COLQ: variants seen among roughly 807,000 people sequenced by gnomAD.
The protein encoded by COLQ is acetylcholinesterase collagenic tail peptide.
In COLQ, 48 loss-of-function variants were observed where a neutral mutation model predicts 69.0. The observed-to-expected ratio is 0.70, with a 90% CI of 0.55 to 0.88. COLQ has a LOEUF of 0.88. COLQ is among the 40% of genes least tolerant of loss of function. The pLI is 0.00. For synonymous variants in COLQ, 217 were observed against 211.2 expected (o/e 1.03, Z -0.24); for missense variants, 618 against 594.6 (o/e 1.04, Z -0.41).
chr3:15,454,596 ACAGT>A (rs200416129), intron 15 of COLQ, among the ~76,000 whole-genome samples: 1,846 of 150,456 alleles, frequency 0.012, 38 homozygotes, highest in African/African-American at 0.043. Flanking sequence ...CCACACTGAG[ACAGT>A]CAGCAGCATC....
In COLQ at chr3:15,475,419, A is replaced by G. The variant is rs753564403; in HGVS notation, c.528+6T>C. ...CTGGGAACGTCCATTTGGACCCCAC[A>G]CTGACCTTGGAGCCCATTGGTCCTC... On this transcript the variant is annotated splice_donor_region_variant and intron_variant, in intron 7 of 16. Coordinates refer to ENST00000383788, the MANE Select transcript of COLQ (RefSeq NM_005677.4). The G allele has an allele frequency of 3.1e-6, 5 of 1,592,754 alleles. No homozygotes were observed. In the Admixed American group the frequency reaches 8.7e-5, roughly 28 times the overall value.
Position 15,489,522 on chromosome 3 carries a change from C to T in COLQ, c.219+3G>A. On this transcript the variant is annotated splice_donor_region_variant and intron_variant, in intron 2 of 16. Transcript: ENST00000383788. ...TTCCTCTCATAAATCCCAAAGTACTCACCGGACTTCGGCCACCTCTGAAGA... is the reference window on the plus strand; with the variant it reads ...TTCCTCTCATAAATCCCAAAGTACTTACCGGACTTCGGCCACCTCTGAAGA... The T allele has an allele frequency of 3.1e-6, 5 of 1,614,048 alleles. No individual in the cohort carries two copies. The highest frequency in any genetic ancestry group is 4.2e-6 in the Non-Finnish European group (5 of 1,179,912).
chr3:15,461,014 C>T (rs1575465251), intron 12 of COLQ, among the ~76,000 whole-genome samples: 1 of 152,266 alleles, frequency 6.6e-6, no homozygotes, highest in Non-Finnish European at 1.5e-5. Context: ...TCATGTTTTA[C>T]TTAACACTAT....
chr3:15,466,360 G>C lies in COLQ; in HGVS notation c.795C>G (p.Pro265=). The change falls in exon 12 of 17, where the codon CCC becomes CCG. Residue 265 remains proline (P), a synonymous_variant. Transcript: ENST00000383788. The part of the protein sequence containing the change: ...GPSGQPGRPG[P]PGPPPAGQLI... Reference sequence around the variant, plus strand: ...TCTTACCTGCAGGTGGGGGGCCTGGGGGCCCCGGACGGCCAGGTTGACCAG... The same window carrying C: ...TCTTACCTGCAGGTGGGGGGCCTGGCGGCCCCGGACGGCCAGGTTGACCAG... 6.2e-7 allele frequency: 1 copy of C among 1,613,710 alleles called. No homozygotes were observed. Among genetic ancestry groups the C allele is most frequent in the Non-Finnish European group, 8.5e-7 (1 of 1,179,706 alleles).
rs1470170777 is a variant in COLQ, at chr3:15,451,626, A to G, written c.*18T>C. The G allele has an allele frequency of 6.2e-7, 1 of 1,613,588 alleles. No individual in the cohort carries two copies. The highest frequency in any genetic ancestry group is 8.5e-7 in the Non-Finnish European group (1 of 1,179,446). ...CTGCCAGTTCTGTGGGGCGCAGCCC[A>G]CCTTCTCCTCACGGCCCTCAGGTGA... On this transcript the variant is annotated 3_prime_UTR_variant, in exon 17 of 17. Transcript: ENST00000383788.
rs1284012724 is a variant in COLQ at position 15,450,347 on chromosome 3, G to GC, written c.*1296dup. On this transcript the variant is annotated 3_prime_UTR_variant, in exon 17 of 17. Coordinates refer to ENST00000383788, the MANE Select transcript of COLQ (RefSeq NM_005677.4). Reference sequence around the variant, plus strand: ...CAGACACCAGGTGATGGTCCACCAGGCCCCAAGCTCCAGCCTGCTGAGTCC... The same window carrying GC: ...CAGACACCAGGTGATGGTCCACCAGGCCCCCAAGCTCCAGCCTGCTGAGTCC... The GC allele has an allele frequency of 1.3e-5, 2 of 153,634 alleles. No individual in the cohort carries two copies. The highest frequency in any genetic ancestry group is 2.9e-5 in the Non-Finnish European group (2 of 68,048). The allele number at this position is 153,634 out of a possible 1,614,324, so 9.5% of individuals were successfully genotyped here.
At chr3:15,521,227 T>C (rs2063132584) in intron 1 of COLQ, among the ~76,000 whole-genome samples, 1 of 152,196 alleles carries the variant, frequency 6.6e-6, no homozygotes, top group African/African-American at 2.4e-5. Flanking sequence ...CTCTCCCAAA[T>C]TCCTGACCAA....
In COLQ at chr3:15,513,826, C is replaced by A. The variant is rs542547368; in HGVS notation, c.106+7694G>T. ...TGGCGGCTCCCACAGATATCCAGAT[C>A]CTGATCCCTGGAACCTGTAAATGTT... On this transcript the variant is annotated intron_variant, in intron 1 of 16. Transcript: ENST00000383788. Among the ~76,000 whole-genome samples the A allele has an allele frequency of 6.5e-4, 99 of 152,234 alleles. 1 individual carries two copies. The highest frequency in any genetic ancestry group is 9.6e-4 in the Non-Finnish European group (65 of 68,010).
intron 1 of COLQ, among the ~76,000 whole-genome samples, chr3:15,508,497 T>G (rs529691908): frequency 2.8e-4 from 43 of 152,228 alleles, no homozygotes; most frequent in Non-Finnish European, 5.4e-4. Flanking sequence ...TAGCCAAGCA[T>G]ATTGTAGGCG....
Position 15,455,947 on chromosome 3 carries a change from C to A in COLQ, c.1147G>T (p.Gly383Trp), listed in dbSNP as rs762306354. 6.2e-7 allele frequency: 1 copy of A among 1,614,178 alleles called. No homozygotes were observed. Reference sequence around the variant, plus strand: ...CTGTTACCGTCGTCACACTCCTCCCCAGGCTGCAGGAGCCCATCCCCACAG... The same window carrying A: ...CTGTTACCGTCGTCACACTCCTCCCAAGGCTGCAGGAGCCCATCCCCACAG... ...GTCGDGLLQP[G>W]EECDDGNSDV... Residue 383 changes from glycine (G) to tryptophan (W), a missense_variant, in exon 15 of 17, where the codon GGG becomes TGG. Physicochemically the swap from Gly to Trp is radical, Grantham distance 184. Coordinates refer to ENST00000383788, the MANE Select transcript of COLQ (RefSeq NM_005677.4).
intron 16 of COLQ, among the ~76,000 whole-genome samples, chr3:15,452,684 C>T (rs1423612240): frequency 6.6e-6 from 1 of 152,166 alleles, no homozygotes. Flanking sequence ...CAGGGGTCTT[C>T]CTTCCTTCAG....
intron 1 of COLQ, among the ~76,000 whole-genome samples, chr3:15,509,799 T>C (rs534743674): frequency 8.2e-4 from 125 of 152,358 alleles, no homozygotes; most frequent in African/African-American, 2.9e-3. Context: ...CCATAGCCTG[T>C]GCACTGGGAT....
intron 10 of COLQ, 159 bp from the exon 11 acceptor site, chr3:15,470,775 C>A: frequency 1.4e-6 from 1 of 728,974 alleles, no homozygotes; most frequent in Non-Finnish European, 2.5e-6. Context: ...GTGAGGAAGT[C>A]ATGAGAAAGG....
Position 15,456,502 on chromosome 3 carries a change from T to C in COLQ, c.1032A>G (p.Arg344=), listed in dbSNP as rs2062026999. The C allele has an allele frequency of 6.2e-7, 1 of 1,613,976 alleles. No individual in the cohort carries two copies. Among genetic ancestry groups the C allele is most frequent in the African/African-American group, 1.3e-5 (1 of 74,890 alleles). The change falls in exon 14 of 17, where the codon AGA becomes AGG. Residue 344 remains arginine, a synonymous_variant. Transcript: ENST00000383788. ...QNAIAFRRDQ[R]SLYFKDSLGW... is the part of the protein sequence containing the mutation. ...CAAGGCTGTCCTTGAAGTACAGAGA[T>C]CTCTGGTCTCTGCGGAAGGCAATGG... is the stretch of plus-strand genomic sequence containing the variant.
intron 1 of COLQ, among the ~76,000 whole-genome samples, chr3:15,490,335 A>T (rs1047755449): frequency 2.0e-5 from 3 of 152,238 alleles, no homozygotes; most frequent in African/African-American, 7.2e-5. Context: ...AATAAGTTAC[A>T]GTTCAACAGA....
chr3:15,458,091 G>A (rs753534841), intron 13 of COLQ, 95 bp downstream of exon 13: 50 of 1,426,626 alleles, frequency 3.5e-5, no homozygotes, highest in Non-Finnish European at 4.8e-5. Context: ...GTGAAAAAAA[G>A]TTAGTTTTAC....
intron 1 of COLQ, among the ~76,000 whole-genome samples, chr3:15,509,983 T>G (rs2125177381): frequency 6.6e-6 from 1 of 151,808 alleles, no homozygotes; most frequent in South Asian, 2.1e-4. Context: ...CCATCCTGGC[T>G]AACATGGTGA....
intron 12 of COLQ, among the ~76,000 whole-genome samples, chr3:15,462,492 C>G (rs940375390): frequency 7.1e-4 from 108 of 152,222 alleles, no homozygotes; most frequent in African/African-American, 2.5e-3. Context: ...GAATGGGGGG[C>G]GGGGGCATCA....
chr3:15,455,932 C>T lies in COLQ; in HGVS notation c.1162G>A (p.Asp388Asn), dbSNP rs1008156537. The T allele has an allele frequency of 6.2e-7, 1 of 1,614,192 alleles. No homozygotes were observed. Among genetic ancestry groups the T allele is most frequent in the African/African-American group, 1.3e-5 (1 of 75,048 alleles). Residue 388 changes from aspartate to asparagine, a missense_variant, in exon 15 of 17, where the codon GAC becomes AAC. Transcript: ENST00000383788. ...TCGTCACCCACATCGCTGTTACCGTCGTCACACTCCTCCCCAGGCTGCAGG... is the reference window on the plus strand; with the variant it reads ...TCGTCACCCACATCGCTGTTACCGTTGTCACACTCCTCCCCAGGCTGCAGG... ...GLLQPGEECDDGNSDVGDDCI... is the reference protein window; with the variant it reads ...GLLQPGEECDNGNSDVGDDCI...
Sources: allele counts gnomAD v4.1 joint callset (sites outside exome capture counted in the v4.1 genomes callset), GRCh38; gene constraint gnomAD v4.1.1; transcripts MANE v1.5; gene names NCBI Gene and HGNC (gene_info 2026-07-23, HGNC 2026-07-21).